CCDC33: variants seen among roughly 807,000 people sequenced by gnomAD.
The protein encoded by CCDC33 is coiled-coil domain-containing protein 33.
A neutral mutation model predicts 91.9 loss-of-function variants in CCDC33; 94 were observed. The ratio of observed to expected loss-of-function variants is 1.02; its 90% confidence interval spans 0.87 to 1.21. The LOEUF (loss-of-function observed/expected upper bound fraction) is 1.21. Ranked by LOEUF, CCDC33 falls within the 50% of genes most tolerant of loss-of-function variation. The pLI is 0.00. For synonymous variants in CCDC33, 396 were observed against 374.5 expected, an observed-to-expected ratio of 1.06 and a Z score of -0.66; for missense variants, 940 against 935.5, an observed-to-expected ratio of 1.00 and a Z score of -0.06.
intron 11 of CCDC33, chr15:74,319,810 A>G (rs1021628965): frequency 6.6e-6 from 1 of 152,276 alleles, no homozygotes; most frequent in Admixed American, 6.5e-5. Flanking sequence ...GCAGGGGCCA[A>G]TTAGACAGGG....
intron 12 of CCDC33, 147 bp from the exon 13 acceptor site, chr15:74,330,516 C>G (rs1377328995): frequency 9.4e-7 from 1 of 1,067,588 alleles, no homozygotes; most frequent in African/African-American, 1.6e-5. Flanking sequence ...CCCTGCCCAG[C>G]TGGGTCCTCT....
chr15:74,253,404 G>T (rs528208902), intron 2 of CCDC33, among the ~76,000 whole-genome samples: 1 of 152,198 alleles, frequency 6.6e-6, no homozygotes, highest in Non-Finnish European at 1.5e-5. Flanking sequence ...TTGAGCAGGG[G>T]CTGGGGCTCT....
intron 11 of CCDC33, among the ~76,000 whole-genome samples, chr15:74,307,656 G>C (rs397074): frequency 0.38 from 57,449 of 151,758 alleles, 11,348 homozygotes; most frequent in East Asian, 0.6. Context: ...AAGCTCTGTG[G>C]CCTCAGGCCA....
upstream of CCDC33, among the ~76,000 whole-genome samples, chr15:74,215,388 AGTT>A (rs2074415075): frequency 2.6e-5 from 4 of 152,322 alleles, no homozygotes; most frequent in South Asian, 6.2e-4. Flanking sequence ...AGGTGGAAGA[AGTT>A]GTTGTTTAAT....
chr15:74,326,645 G>T (rs896688317), intron 11 of CCDC33, among the ~76,000 whole-genome samples: 1 of 152,244 alleles, frequency 6.6e-6, no homozygotes, highest in Non-Finnish European at 1.5e-5. Flanking sequence ...TGGGGAAAGC[G>T]CAGTGTCAAT....
intron 2 of CCDC33, among the ~76,000 whole-genome samples, chr15:74,259,914 C>T (rs528120836): frequency 1.1e-4 from 16 of 152,234 alleles, no homozygotes; most frequent in Admixed American, 2.6e-4. Flanking sequence ...GTTTTGTGTC[C>T]AGCTCTGGGG....
chr15:74,261,343 G>T (rs2076018178), intron 2 of CCDC33, among the ~76,000 whole-genome samples: 1 of 152,236 alleles, frequency 6.6e-6, no homozygotes, highest in Non-Finnish European at 1.5e-5. Flanking sequence ...GGACTCCAGA[G>T]GGCTTCTTGG....
chr15:74,327,630 G>A (rs866331580), intron 11 of CCDC33, among the ~76,000 whole-genome samples: 2 of 152,020 alleles, frequency 1.3e-5, no homozygotes, highest in Admixed American at 6.5e-5. Flanking sequence ...GTGAGACTCC[G>A]TCACAAAACA....
At position 74,244,802 on chromosome 15, in the gene CCDC33, G is replaced by A. The variant is rs922695050; in HGVS notation, c.185+654G>A. Among the ~76,000 whole-genome samples the A allele has an allele frequency of 1.3e-5, 2 of 152,144 alleles. No individual in the cohort carries two copies. The highest frequency in any genetic ancestry group is 2.9e-5 in the Non-Finnish European group (2 of 68,006). On this transcript the variant is annotated intron_variant, in intron 2 of 18. Transcript: ENST00000398814. The surrounding 1 kb of genome is among the most constrained non-coding windows in gnomAD (Gnocchi z 4.2). ...ATCTCCATCCAGCCAACCTTCGCTG[G>A]GGACACTGAATATTTGCTCAATCTT...
In CCDC33 at chr15:74,217,633, C is replaced by T. The variant is rs1415138634; in HGVS notation, c.310+52C>T. 3.4e-6 allele frequency: 4 copies of T among 1,167,012 alleles called. No individual in the cohort carries two copies. The African/African-American group carries it at 4.8e-5, about 14-fold the overall frequency. The allele number at this position is 1,167,012 out of a possible 1,614,324, so 72.3% of individuals were successfully genotyped here. On this transcript the variant is annotated intron_variant, in intron 1 of 2. Transcript: ENST00000635913. ...GAGAGAAAGACCCTGGAACTCCTGCCTGAGTCCCTTTCTGGGACCCCAGAG... is the reference window on the plus strand; with the variant it reads ...GAGAGAAAGACCCTGGAACTCCTGCTTGAGTCCCTTTCTGGGACCCCAGAG...
intron 11 of CCDC33, among the ~76,000 whole-genome samples, chr15:74,305,007 C>T (rs1177589239): frequency 1.3e-5 from 2 of 151,612 alleles, no homozygotes; most frequent in Non-Finnish European, 2.9e-5. Context: ...AGTGCAATGG[C>T]GTGATCTCAA....
chr15:74,255,668 G>A (rs543312004), intron 2 of CCDC33, among the ~76,000 whole-genome samples: 2 of 152,340 alleles, frequency 1.3e-5, no homozygotes, highest in African/African-American at 2.4e-5. Context: ...ACCAGACCTC[G>A]ATCCCTCCAC....
intron 6 of CCDC33, among the ~76,000 whole-genome samples, chr15:74,272,503 T>C (rs997134874): frequency 3.9e-5 from 6 of 152,228 alleles, no homozygotes; most frequent in Admixed American, 3.9e-4. Context: ...CAACTGGCCC[T>C]GATGGCCCAA....
chr15:74,211,007 G>GGAGGTACA (rs1434195607), intron 2 of CCDC33, among the ~76,000 whole-genome samples: 1 of 152,136 alleles, frequency 6.6e-6, no homozygotes, highest in East Asian at 1.9e-4. Flanking sequence ...CAGATTATAA[G>GGAGGTACA]GCTGAAGGAG....
intron 2 of CCDC33, among the ~76,000 whole-genome samples, chr15:74,228,647 G>A (rs1248329820): frequency 1.3e-5 from 2 of 152,360 alleles, no homozygotes; most frequent in African/African-American, 4.8e-5. Context: ...TATTGGGCCA[G>A]TGGAGCTCAC....
At chr15:74,233,776 G>A (rs948908837), upstream of CCDC33, among the ~76,000 whole-genome samples, 2 of 152,212 alleles carry the variant, frequency 1.3e-5, no homozygotes, top group African/African-American at 4.8e-5. Context: ...TTGCCTCACT[G>A]AATAAGGATG....
chr15:74,330,527 C>T, intron 12 of CCDC33, 136 bp from the exon 13 acceptor site: 2 of 1,076,716 alleles, frequency 1.9e-6, no homozygotes, highest in Admixed American at 4.1e-5. Flanking sequence ...TGGGTCCTCT[C>T]AGGGATGGGA....
intron 7 of CCDC33, among the ~76,000 whole-genome samples, chr15:74,275,634 T>G (rs377640226): frequency 2.2e-4 from 33 of 151,980 alleles, no homozygotes; most frequent in African/African-American, 8.0e-4. Context: ...TGGGGGCACT[T>G]CATCCAAATA....
chr15:74,333,216 C>T lies in CCDC33; in HGVS notation c.1938+371C>T, dbSNP rs371844436. On this transcript the variant is annotated intron_variant, in intron 16 of 18. Transcript: ENST00000398814. ...GCAGCCTTGGAGAGCCCTTTTCCAT[C>T]CCAGGTGGACCCCGGGGAGTTGGGA... The T allele has an allele frequency of 2.1e-3, 3,302 of 1,582,098 alleles. 4 individuals are homozygous for T. The highest frequency in any genetic ancestry group is 2.6e-3 in the Non-Finnish European group (3,040 of 1,163,034).
Sources: allele counts gnomAD v4.1 joint callset (sites outside exome capture counted in the v4.1 genomes callset), GRCh38; gene constraint gnomAD v4.1.1; non-coding constraint Gnocchi (gnomAD v3.1); transcripts MANE v1.5; gene names NCBI Gene and HGNC (gene_info 2026-07-23, HGNC 2026-07-21).